SDHA: variants seen among roughly 807,000 people sequenced by gnomAD.
The protein encoded by SDHA is succinate dehydrogenase [ubiquinone] flavoprotein subunit, mitochondrial.
In SDHA, 48 loss-of-function variants were observed where a neutral mutation model predicts 78.4. The observed-to-expected ratio is 0.61, with a 90% CI of 0.49 to 0.78. The LOEUF (loss-of-function observed/expected upper bound fraction) is 0.78. SDHA is among the 30% of genes least tolerant of loss of function. The pLI, the probability that SDHA is intolerant of heterozygous loss-of-function variation, is 0.00. For missense variants in SDHA, 680 were observed against 892.7 expected (o/e 0.76, Z 3.04); for synonymous variants, 326 against 353.9 (o/e 0.92, Z 0.88).
At chr5:251,883 A>G (rs1579440324) in intron 13 of SDHA, 1 of 352,306 alleles carries the variant, frequency 2.8e-6, no homozygotes, top group Middle Eastern at 1.0e-3. Flanking sequence ...CCTGTGGAGG[A>G]AATGCCAGTT....
rs545071184 is a variant in SDHA, at chr5:250,527, G to A, written c.1552-465G>A. 34 of 256,042 alleles carry A rather than the reference G, an allele frequency of 1.3e-4. No individual in the cohort carries two copies. The East Asian group carries it at 2.8e-3, about 21-fold the overall frequency. The allele number at this position is 256,042 out of a possible 1,614,324, so 15.9% of individuals were successfully genotyped here. Reference sequence around the variant, plus strand: ...CACGCCCCTCCCTCTCCTTGAAGACGTGCAGCTCCAACACCACCATCACCA... The same window carrying A: ...CACGCCCCTCCCTCTCCTTGAAGACATGCAGCTCCAACACCACCATCACCA... On this transcript the variant is annotated intron_variant, in intron 11 of 14. Coordinates refer to ENST00000264932, the MANE Select transcript of SDHA (RefSeq NM_004168.4).
chr5:256,194 G>A (rs1261618721), intron 14 of SDHA, 140 bp from the exon 15 acceptor site: 7 of 738,778 alleles, frequency 9.5e-6, no homozygotes, highest in Non-Finnish European at 1.7e-5. Flanking sequence ...CATGATGGGA[G>A]CATTTTTGTA....
In SDHA at chr5:251,220, C is replaced by T. The variant is rs1328492636; in HGVS notation, c.1663+117C>T. The T allele has an allele frequency of 4.0e-6, 6 of 1,483,464 alleles. No individual in the cohort carries two copies. In the African/African-American group the frequency reaches 8.5e-5, roughly 21 times the overall value. 91.9% of individuals were successfully genotyped at this position (1,483,464 alleles called of 1,614,324 possible). The stretch of plus-strand genomic sequence containing the variant: ...TGCTTGCTGTCTGGATGGGTCCTGG[C>T]CCACAGCTATAAAGCCACAACCAGT... On this transcript the variant is annotated intron_variant, in intron 12 of 14. Coordinates refer to ENST00000264932, the MANE Select transcript of SDHA (RefSeq NM_004168.4).
intron 1 of SDHA, among the ~76,000 whole-genome samples, chr5:221,845 T>C (rs1395561614): frequency 2.6e-5 from 4 of 152,096 alleles, no homozygotes; most frequent in Non-Finnish European, 5.9e-5. Context: ...CGTGATAATT[T>C]GTTCAAGATT....
the SDHA span, among the ~76,000 whole-genome samples, chr5:263,040 A>G: frequency 6.6e-6 from 1 of 152,002 alleles, no homozygotes; most frequent in East Asian, 1.9e-4. Flanking sequence ...CCGGGGCTCC[A>G]GCAATCCTCC....
intron 11 of SDHA, among the ~76,000 whole-genome samples, chr5:245,828 A>G (rs188216484): frequency 1.2e-3 from 187 of 152,374 alleles, no homozygotes; most frequent in African/African-American, 4.3e-3. Context: ...TACCTATGCC[A>G]TGAGTAATCT....
At chr5:240,938 G>A (rs1388865167) in intron 11 of SDHA, among the ~76,000 whole-genome samples, 5 of 151,974 alleles carry the variant, frequency 3.3e-5, no homozygotes, top group African/African-American at 9.7e-5. Flanking sequence ...GGGCACTTAG[G>A]TTGATTCCAT....
chr5:224,398 T>C lies in SDHA; in HGVS notation c.189T>C (p.Asp63=), dbSNP rs2126542493. Residue 63 remains aspartate (D), a synonymous_variant, in exon 3 of 15, where the codon GAT becomes GAC. Transcript: ENST00000264932. Reference sequence around the variant, plus strand: ...ATCCAGTAGTGGATCATGAATTTGATGCAGTGGTGGTAGGCGCTGGAGGGG... The same window carrying C: ...ATCCAGTAGTGGATCATGAATTTGACGCAGTGGTGGTAGGCGCTGGAGGGG... ...AQYPVVDHEF[D]AVVVGAGGAG... is the part of the protein sequence containing the mutation. 3 of 1,613,716 alleles carry C rather than the reference T, an allele frequency of 1.9e-6. No individual in the cohort carries two copies. Among genetic ancestry groups the C allele is most frequent in the Non-Finnish European group, 2.5e-6 (3 of 1,179,856 alleles).
Position 251,444 on chromosome 5 carries a change from C to G in SDHA, c.1770C>G (p.Gly590=), listed in dbSNP as rs142457602. 1.2e-6 allele frequency: 2 copies of G among 1,613,974 alleles called. No individual in the cohort carries two copies. Among genetic ancestry groups the G allele is most frequent in the South Asian group, 2.2e-5 (2 of 91,070 alleles). ...YGAEARKESR[G]AHAREDYKVR... is the part of the protein sequence containing the mutation. ...CAGAGGCACGGAAGGAGTCACGGGG[C>G]GCGCATGCCAGGGAAGACTACAAGG... The change falls in exon 13 of 15, where the codon GGC becomes GGG. Residue 590 remains glycine (G), a synonymous_variant. Coordinates refer to ENST00000264932, the MANE Select transcript of SDHA (RefSeq NM_004168.4).
intron 5 of SDHA, among the ~76,000 whole-genome samples, chr5:226,928 CAAA>C (rs554077502): frequency 4.8e-5 from 4 of 82,548 alleles, no homozygotes; most frequent in Admixed American, 1.3e-4. Context: ...GACTCCATCT[CAAA>C]AAAAAAAAAA....
At chr5:242,042 C>T (rs1736173199) in intron 11 of SDHA, among the ~76,000 whole-genome samples, 1 of 152,186 alleles carries the variant, frequency 6.6e-6, no homozygotes, top group African/African-American at 2.4e-5. Context: ...TGTCTTGGTG[C>T]CTGCTGTATC....
At chr5:249,262 A>G (rs1193026618) in intron 11 of SDHA, 2 of 256,102 alleles carry the variant, frequency 7.8e-6, no homozygotes, top group South Asian at 3.5e-5. Context: ...CTCTGCAAGA[A>G]GTAGCTCACC....
At chr5:218,640 G>A (rs1298275098) in intron 1 of SDHA, among the ~76,000 whole-genome samples, 1 of 152,200 alleles carries the variant, frequency 6.6e-6, no homozygotes, top group Admixed American at 6.5e-5. Flanking sequence ...GTCCGCGTCC[G>A]GGTGAAGGTC....
intron 10 of SDHA, among the ~76,000 whole-genome samples, chr5:238,116 A>G (rs1735899069): frequency 1.3e-5 from 2 of 151,062 alleles, no homozygotes; most frequent in Non-Finnish European, 2.9e-5. Flanking sequence ...CCACGCATGC[A>G]GCATCTCACG....
downstream of SDHA, among the ~76,000 whole-genome samples, chr5:257,503 C>CTT (rs1737278433): frequency 1.2e-5 from 1 of 82,954 alleles, no homozygotes; most frequent in African/African-American, 3.3e-5. Flanking sequence ...AGAGCGTTAC[C>CTT]GTGAGCTCCG....
chr5:250,453 C>T (rs912508692), intron 11 of SDHA: 2 of 203,688 alleles, frequency 9.8e-6, no homozygotes, highest in South Asian at 1.7e-4. Flanking sequence ...GGAGCTTCTA[C>T]AAGATAGGCA....
At chr5:250,000 A>T (rs544345019) in intron 11 of SDHA, 1 of 152,334 alleles carries the variant, frequency 6.6e-6, no homozygotes, top group East Asian at 1.9e-4. Flanking sequence ...TCTCATTCAC[A>T]TTTCAAAAAA....
intron 11 of SDHA, among the ~76,000 whole-genome samples, chr5:243,246 TATCA>T (rs1331452943): frequency 6.6e-6 from 1 of 152,194 alleles, no homozygotes; most frequent in African/African-American, 2.4e-5. Flanking sequence ...TTAAACACGC[TATCA>T]ATCAGTATGG....
At chr5:221,754 G>A (rs1186528223) in intron 1 of SDHA, among the ~76,000 whole-genome samples, 4 of 152,156 alleles carry the variant, frequency 2.6e-5, no homozygotes, top group Admixed American at 2.6e-4. Context: ...TTGGCTTAAA[G>A]TTGGGCTTTC....
Sources: gnomAD v4.1 joint callset for allele counts (sites outside exome capture counted in the v4.1 genomes callset) on GRCh38, gnomAD v4.1.1 for gene constraint, MANE v1.5 for transcripts, NCBI Gene and HGNC (gene_info 2026-07-23, HGNC 2026-07-21) for gene names.